SDK1: variants seen among roughly 807,000 people sequenced by gnomAD.
SDK1 encodes the protein sidekick cell adhesion molecule 1, also known as protein sidekick-1.
SDK1 carries 157 observed loss-of-function variants against 245.5 expected under a neutral mutation model. That is an observed-to-expected ratio of 0.64 (90% confidence interval 0.56 to 0.73). The LOEUF is 0.73. SDK1 is among the 30% of genes least tolerant of loss of function. The probability of loss-of-function intolerance (pLI) is 0.00; values close to 1 mark genes in which losing one functional copy is unlikely to be tolerated. For missense variants in SDK1, 3,583 were observed against 3,002.3 expected, an observed-to-expected ratio of 1.19 and a Z score of -4.52; for synonymous variants, 1,647 against 1,278.5, an observed-to-expected ratio of 1.29 and a Z score of -6.15.
intron 1 of SDK1, among the ~76,000 whole-genome samples, chr7:3,336,639 G>A (rs1317619771): frequency 6.7e-6 from 1 of 150,080 alleles, no homozygotes; most frequent in East Asian, 2.0e-4. Flanking sequence ...TAGGGCCCCC[G>A]GGGGTCCTGA....
At chr7:3,781,909 T>A (rs973069079) in intron 4 of SDK1, among the ~76,000 whole-genome samples, 4 of 152,146 alleles carry the variant, frequency 2.6e-5, no homozygotes, top group African/African-American at 9.7e-5. Context: ...AGAAAGCCTA[T>A]GAGAGTTATG....
chr7:3,506,256 G>T (rs1235784302), intron 1 of SDK1, among the ~76,000 whole-genome samples: 5 of 151,964 alleles, frequency 3.3e-5, no homozygotes, highest in Non-Finnish European at 7.4e-5. Context: ...TAGGATTCCA[G>T]GGTGATAGTT....
intron 4 of SDK1, among the ~76,000 whole-genome samples, chr7:3,779,145 T>G (rs1226296361): frequency 1.3e-5 from 2 of 152,204 alleles, no homozygotes; most frequent in African/African-American, 4.8e-5. Flanking sequence ...TTGATTGATG[T>G]GAAAAAATAA....
chr7:3,704,647 A>C (rs1028908918), intron 4 of SDK1, among the ~76,000 whole-genome samples: 2 of 151,764 alleles, frequency 1.3e-5, no homozygotes, highest in African/African-American at 4.8e-5. Flanking sequence ...TTGTCTGTTT[A>C]CTCTTGATGA....
At chr7:3,923,756 AT>A (rs1189198487) in intron 5 of SDK1, among the ~76,000 whole-genome samples, 1 of 152,238 alleles carries the variant, frequency 6.6e-6, no homozygotes, top group African/African-American at 2.4e-5. Context: ...TTCACGAGGC[AT>A]TTGCAGATTT....
At chr7:3,570,869 T>C (rs904049920) in intron 1 of SDK1, among the ~76,000 whole-genome samples, 2 of 149,816 alleles carry the variant, frequency 1.3e-5, no homozygotes, top group South Asian at 2.1e-4. Flanking sequence ...GAATTTATTA[T>C]AATCACAGTT....
chr7:3,895,115 A>T (rs76651713), intron 5 of SDK1, among the ~76,000 whole-genome samples: 2 of 152,224 alleles, frequency 1.3e-5, no homozygotes, highest in African/African-American at 4.8e-5. Context: ...GAATAGCACA[A>T]AATATTCACC....
intron 4 of SDK1, among the ~76,000 whole-genome samples, chr7:3,808,526 C>G (rs995935995): frequency 9.2e-5 from 14 of 152,216 alleles, no homozygotes; most frequent in East Asian, 3.9e-4. Context: ...GCCTCAATCC[C>G]AGCCCGACCT....
At chr7:3,691,808 A>G (rs4723026) in intron 4 of SDK1, among the ~76,000 whole-genome samples, 84,218 of 152,016 alleles carry the variant, frequency 0.55, 27,099 homozygotes, top group Non-Finnish European at 0.74. Context: ...TACTTGGCTT[A>G]TCTACTTACT....
At chr7:4,035,765 A>T (rs1252141449) in intron 17 of SDK1, among the ~76,000 whole-genome samples, 1 of 152,196 alleles carries the variant, frequency 6.6e-6, no homozygotes, top group East Asian at 1.9e-4. Context: ...GTGTAAGATG[A>T]GCCTGGAACA....
At chr7:3,621,420 G>C (rs138290940) in intron 2 of SDK1, among the ~76,000 whole-genome samples, 87 of 152,258 alleles carry the variant, frequency 5.7e-4, no homozygotes, top group African/African-American at 2.1e-3. Context: ...AAATTACATA[G>C]TGCTTTGTAT....
chr7:3,998,281 C>T (rs933662909), intron 14 of SDK1, among the ~76,000 whole-genome samples: 4 of 152,248 alleles, frequency 2.6e-5, no homozygotes, highest in African/African-American at 9.6e-5. Context: ...CCGGCAGCAC[C>T]TCCCTGCAAC....
In SDK1 at chr7:3,536,095, C is replaced by T. The variant is rs180738883; in HGVS notation, c.299-82985C>T. Among the ~76,000 whole-genome samples, 406 of 150,336 alleles carry T rather than the reference C, an allele frequency of 2.7e-3. 2 individuals are homozygous for T. The highest frequency in any genetic ancestry group is 9.0e-3 in the African/African-American group (369 of 40,910). On this transcript the variant is annotated intron_variant, in intron 1 of 44. Coordinates refer to ENST00000404826, the MANE Select transcript of SDK1 (RefSeq NM_152744.4). ...TTTCTTAGACGGAGTCTCACTCTGT[C>T]GCCCAGGCTGGAGTGCAGTGGTGCG...
chr7:3,383,214 C>A (rs1438903448), intron 1 of SDK1, among the ~76,000 whole-genome samples: 1 of 152,068 alleles, frequency 6.6e-6, no homozygotes, highest in Non-Finnish European at 1.5e-5. Context: ...AATGTGAGAC[C>A]AGCCTGGGCA....
At chr7:3,742,275 A>C (rs551901467) in intron 4 of SDK1, among the ~76,000 whole-genome samples, 1 of 152,072 alleles carries the variant, frequency 6.6e-6, no homozygotes, top group Non-Finnish European at 1.5e-5. Context: ...CCACTCTGGC[A>C]TACAGATTAC....
intron 1 of SDK1, among the ~76,000 whole-genome samples, chr7:3,498,565 C>T (rs1782094461): frequency 6.6e-6 from 1 of 152,124 alleles, no homozygotes; most frequent in Non-Finnish European, 1.5e-5. Flanking sequence ...AAATTAGTAG[C>T]TACCATTGAT....
chr7:3,971,090 C>T (rs1409711963), intron 11 of SDK1, among the ~76,000 whole-genome samples: 1 of 152,170 alleles, frequency 6.6e-6, no homozygotes, highest in Admixed American at 6.5e-5. Flanking sequence ...ACTTGACAGA[C>T]TCAAAAAGTA....
At chr7:4,185,124 C>T (rs960290774) in intron 35 of SDK1, among the ~76,000 whole-genome samples, 2 of 152,186 alleles carry the variant, frequency 1.3e-5, no homozygotes, top group South Asian at 2.1e-4. Context: ...CGAGAGGGTC[C>T]CTAGAGGAGA....
chr7:4,087,397 TAGAG>T (rs1781491617), intron 22 of SDK1, among the ~76,000 whole-genome samples: 3 of 152,156 alleles, frequency 2.0e-5, no homozygotes, highest in South Asian at 2.1e-4. Context: ...ATTGTTTACT[TAGAG>T]AGGCTTTAAA....
Sources: allele counts gnomAD v4.1 joint callset (sites outside exome capture counted in the v4.1 genomes callset), GRCh38; gene constraint gnomAD v4.1.1; transcripts MANE v1.5; gene names NCBI Gene and HGNC (gene_info 2026-07-23, HGNC 2026-07-21).